SLC26A4: variants seen among roughly 807,000 people sequenced by gnomAD.
SLC26A4 encodes the protein pendrin.
Under a neutral mutation model 90.4 loss-of-function variants are expected in SLC26A4, and 93 were observed. The observed-to-expected ratio is 1.03, with a 90% CI of 0.87 to 1.22. The LOEUF is 1.22. Among genes scored for constraint, SLC26A4 ranks in the 50% most tolerant of loss-of-function variants. The pLI, the probability that SLC26A4 is intolerant of heterozygous loss-of-function variation, is 0.00. For missense variants in SLC26A4, 1,127 were observed against 946.2 expected, an observed-to-expected ratio of 1.19 and a Z score of -2.51; for synonymous variants, 393 against 354.6, an observed-to-expected ratio of 1.11 and a Z score of -1.22.
Position 107,661,895 on chromosome 7 carries a change from G to A in SLC26A4, c.164+90G>A. ...GGGCGTCCCCAGCGGGCGAGAGTGG[G>A]GTGCGGGCGGCGGAGCCCCTGGGCG... On this transcript the variant is annotated intron_variant, in intron 2 of 20. Coordinates refer to ENST00000644269, the MANE Select transcript of SLC26A4 (RefSeq NM_000441.2). The surrounding 1 kb of genome is among the most constrained non-coding windows in gnomAD (Gnocchi z 5.1). The A allele has an allele frequency of 7.1e-7, 1 of 1,410,686 alleles. No individual in the cohort carries two copies. Among genetic ancestry groups the A allele is most frequent in the Non-Finnish European group, 9.4e-7 (1 of 1,061,732 alleles). 87.4% of individuals were successfully genotyped at this position (1,410,686 alleles called of 1,614,324 possible).
intron 3 of SLC26A4, among the ~76,000 whole-genome samples, chr7:107,669,223 C>T (rs1025745991): frequency 6.6e-6 from 1 of 152,130 alleles, no homozygotes; most frequent in African/African-American, 2.4e-5. Context: ...TCCCGAAATG[C>T]TAGGATTACA....
intron 20 of SLC26A4, among the ~76,000 whole-genome samples, chr7:107,715,076 A>G (rs1584349055): frequency 6.7e-6 from 1 of 149,912 alleles, no homozygotes; most frequent in South Asian, 2.2e-4. Context: ...TAAAAAAAAA[A>G]AAAAAAAAAT....
intron 13 of SLC26A4, among the ~76,000 whole-genome samples, chr7:107,697,425 A>T (rs1584332701): frequency 6.6e-6 from 1 of 152,024 alleles, no homozygotes; most frequent in Non-Finnish European, 1.5e-5. Context: ...CTAAACAGAT[A>T]CTCTTTCTTC....
At chr7:107,681,325 T>C (rs896238313) in intron 6 of SLC26A4, among the ~76,000 whole-genome samples, 2 of 152,154 alleles carry the variant, frequency 1.3e-5, no homozygotes, top group Non-Finnish European at 2.9e-5. Context: ...ATTTCCTTAC[T>C]CTTCTTGAAT....
chr7:107,687,561 G>T (rs1215554110), intron 8 of SLC26A4, among the ~76,000 whole-genome samples: 6 of 152,132 alleles, frequency 3.9e-5, no homozygotes. Flanking sequence ...GGGATGTGGT[G>T]GGTTTAAATA....
intron 18 of SLC26A4, 87 bp from the exon 19 acceptor site, chr7:107,709,967 T>A (rs2129319887): frequency 8.7e-7 from 1 of 1,144,762 alleles, no homozygotes; most frequent in Middle Eastern, 2.3e-4. Context: ...CACTCCAGCC[T>A]GGGCAATAGA....
At chr7:107,669,478 A>G (rs1230993632) in intron 3 of SLC26A4, among the ~76,000 whole-genome samples, 2 of 152,200 alleles carry the variant, frequency 1.3e-5, no homozygotes, top group Non-Finnish European at 2.9e-5. Context: ...GAAATAGACA[A>G]GTTGTGCTTT....
chr7:107,689,270 T>G, intron 9 of SLC26A4, 70 bp downstream of exon 9: 1 of 1,544,130 alleles, frequency 6.5e-7, no homozygotes, highest in Non-Finnish European at 8.9e-7. Context: ...ATGGAAAAGA[T>G]TTTGGTGTCA....
chr7:107,680,136 A>AATATAATCTTATCTTATT, intron 6 of SLC26A4, among the ~76,000 whole-genome samples: 1 of 119,320 alleles, frequency 8.4e-6, no homozygotes, highest in African/African-American at 3.9e-5. Flanking sequence ...CTTATTATAT[A>AATATAATCTTATCTTATT]ATATAATCTT....
At chr7:107,707,584 G>A (rs1562842331) in intron 18 of SLC26A4, among the ~76,000 whole-genome samples, 1 of 152,044 alleles carries the variant, frequency 6.6e-6, no homozygotes, top group Non-Finnish European at 1.5e-5. Context: ...ATATTTCTGT[G>A]GCACACAACA....
In SLC26A4 at chr7:107,694,729, C is replaced by G. The variant is rs765587891; in HGVS notation, c.1437+13C>G. The G allele has an allele frequency of 6.5e-6, 10 of 1,531,372 alleles. No individual in the cohort carries two copies. In the African/African-American group the frequency reaches 1.1e-4, roughly 17 times the overall value. The allele number at this position is 1,531,372 out of a possible 1,614,324, so 94.9% of individuals were successfully genotyped here. ...TAAGATTGATGCTGTAAGTCACCTACCACCTATATTTATCTGAAATAAGAT... is the reference window on the plus strand; with the variant it reads ...TAAGATTGATGCTGTAAGTCACCTAGCACCTATATTTATCTGAAATAAGAT... On this transcript the variant is annotated intron_variant, in intron 12 of 20. Transcript: ENST00000644269.
chr7:107,662,798 C>T (rs923892559), intron 2 of SLC26A4, among the ~76,000 whole-genome samples: 1 of 152,186 alleles, frequency 6.6e-6, no homozygotes, highest in Non-Finnish European at 1.5e-5. Flanking sequence ...ATCTGTAGGT[C>T]ACTGAATTTA....
rs1562846073 is a variant in SLC26A4, at chr7:107,715,614, C to G, written c.*168C>G. 3.0e-6 allele frequency: 2 copies of G among 666,530 alleles called. No individual in the cohort carries two copies. Among genetic ancestry groups the G allele is most frequent in the African/African-American group, 3.6e-5 (2 of 55,266 alleles). The allele number at this position is 666,530 out of a possible 1,614,324, so 41.3% of individuals were successfully genotyped here. The stretch of plus-strand genomic sequence containing the variant: ...TATTTATAAAATAAACACCTTATCC[C>G]TAACATGGGCAAAATGGCTAGAATT... On this transcript the variant is annotated 3_prime_UTR_variant, in exon 21 of 21. Transcript: ENST00000644269.
Position 107,701,888 on chromosome 7 carries a change from A to C in SLC26A4, c.1865A>C (p.Glu622Ala), listed in dbSNP as rs144058758. The C allele has an allele frequency of 1.2e-5, 20 of 1,613,474 alleles. No individual in the cohort carries two copies. The highest frequency in any genetic ancestry group is 1.5e-5 in the Non-Finnish European group (18 of 1,179,500). The change falls in exon 17 of 21, where the codon GAA (glutamate) becomes GCA (alanine). Residue 622 changes from glutamate (E) to alanine (A), a missense_variant. Glu to Ala is a moderately radical substitution (Grantham distance 107). Coordinates refer to ENST00000644269, the MANE Select transcript of SLC26A4 (RefSeq NM_000441.2). The part of the protein sequence containing the change: ...NNAFEPDEDI[E>A]DLEELDIPTK... The stretch of plus-strand genomic sequence containing the variant: ...GCTTTTGAGCCTGATGAGGATATTG[A>C]AGATCTGGAGGAACTTGATATCCCA...
rs60022317 is a variant in SLC26A4 at position 107,675,285 on chromosome 7, T to TAA, written c.765+196_765+197dup. Among the ~76,000 whole-genome samples the TAA allele has an allele frequency of 9.5e-3, 923 of 96,740 alleles. 9 individuals are homozygous for TAA. The highest frequency in any genetic ancestry group is 0.035 in the African/African-American group (883 of 25,108). The allele number at this position is 96,740 out of a possible 152,430, so 63.5% of individuals were successfully genotyped here. On this transcript the variant is annotated intron_variant, in intron 6 of 20. Transcript: ENST00000644269. ...GTTTGAGACGTGAGACCTCATCTCT[T>TAA]AAAAAAAAAAAAAAAAAAAAAGAAA... is the stretch of plus-strand genomic sequence containing the variant.
At chr7:107,690,675 G>T (rs1362463743) in intron 10 of SLC26A4, among the ~76,000 whole-genome samples, 7 of 152,086 alleles carry the variant, frequency 4.6e-5, no homozygotes, top group African/African-American at 1.7e-4. Flanking sequence ...CTTCCTCCAG[G>T]GGCGTTTGGT....
At chr7:107,697,283 G>A (rs1298314572) in intron 13 of SLC26A4, among the ~76,000 whole-genome samples, 1 of 152,194 alleles carries the variant, frequency 6.6e-6, no homozygotes, top group Admixed American at 6.5e-5. Context: ...GTAAGCCAAG[G>A]AATAACTGGT....
rs758298100 is a variant in SLC26A4, at chr7:107,689,118, T to A, written c.1067T>A (p.Ile356Asn). The A allele has an allele frequency of 2.0e-5, 33 of 1,613,866 alleles. No individual in the cohort carries two copies. Among genetic ancestry groups the A allele is most frequent in the Non-Finnish European group, 2.8e-5 (33 of 1,179,876 alleles). The change falls in exon 9 of 21, where the codon ATC (isoleucine) becomes AAC (asparagine). Residue 356 changes from isoleucine to asparagine, a missense_variant. Transcript: ENST00000644269. ...GAGATGCTGGCTGCATCATTTTCCA[T>A]CGCTGTGGTGGCTTATGCTATTGCA... ...FSEMLAASFS[I>N]AVVAYAIAVS...
At chr7:107,663,032 G>C (rs956859972) in intron 2 of SLC26A4, among the ~76,000 whole-genome samples, 1 of 152,110 alleles carries the variant, frequency 6.6e-6, no homozygotes, top group Non-Finnish European at 1.5e-5. Context: ...TTTTTGTGTA[G>C]GAATATTTTT....
Sources: allele counts gnomAD v4.1 joint callset (sites outside exome capture counted in the v4.1 genomes callset), GRCh38; gene constraint gnomAD v4.1.1; non-coding constraint Gnocchi (gnomAD v3.1); transcripts MANE v1.5; gene names NCBI Gene and HGNC (gene_info 2026-07-23, HGNC 2026-07-21).